Variants in TAPT1 observed in about 807,000 individuals in gnomAD.
The protein encoded by TAPT1 is transmembrane anterior posterior transformation protein 1 homolog.
Under a neutral mutation model 65.6 loss-of-function variants are expected in TAPT1, and 28 were observed. That is an observed-to-expected ratio of 0.43 (90% CI 0.32 to 0.59). The LOEUF (loss-of-function observed/expected upper bound fraction) is 0.59. TAPT1 is among the 20% of genes least tolerant of loss of function. TAPT1 has a pLI of 0.09. For missense variants in TAPT1, 563 were observed against 679.9 expected, an observed-to-expected ratio of 0.83 and a Z score of 1.91; for synonymous variants, 278 against 245.2, an observed-to-expected ratio of 1.13 and a Z score of -1.25.
At chr4:16,185,342 T>C (rs1322311192) in intron 7 of TAPT1, among the ~76,000 whole-genome samples, 1 of 152,040 alleles carries the variant, frequency 6.6e-6, no homozygotes, top group Non-Finnish European at 1.5e-5. Context: ...ATAATCCATA[T>C]AAATAAAAGT....
intron 12 of TAPT1, among the ~76,000 whole-genome samples, chr4:16,167,042 T>C (rs1292586373): frequency 1.4e-5 from 2 of 142,732 alleles, no homozygotes; most frequent in Non-Finnish European, 3.0e-5. Flanking sequence ...TCACCCAGGC[T>C]GGAGTGCAGT....
In TAPT1 at chr4:16,196,714, T is replaced by A. The variant is rs777826391; in HGVS notation, c.450-5191A>T. 2.3e-6 allele frequency: 3 copies of A among 1,287,288 alleles called. No homozygotes were observed. The Admixed American group carries it at 6.9e-5, about 30-fold the overall frequency. The allele number at this position is 1,287,288 out of a possible 1,614,324, so 79.7% of individuals were successfully genotyped here. On this transcript the variant is annotated intron_variant, in intron 3 of 13. Transcript: ENST00000405303. ...TCTATAAAGGAAGTGAAAGTGCTCC[T>A]CCCTTCGGTCTGATTTACGAGAGAG...
intron 2 of TAPT1, among the ~76,000 whole-genome samples, chr4:16,206,037 A>G (rs1466714511): frequency 1.3e-5 from 2 of 152,222 alleles, no homozygotes; most frequent in Non-Finnish European, 2.9e-5. Flanking sequence ...GTTAAGGGGA[A>G]CAGGATATCA....
chr4:16,193,290 A>G (rs561876815), intron 3 of TAPT1, among the ~76,000 whole-genome samples: 2 of 152,356 alleles, frequency 1.3e-5, no homozygotes, highest in East Asian at 3.9e-4. Flanking sequence ...CACATGACTT[A>G]AGATGGGTAT....
At chr4:16,194,614 CCTAT>C (rs1003549243) in intron 3 of TAPT1, among the ~76,000 whole-genome samples, 2 of 152,058 alleles carry the variant, frequency 1.3e-5, no homozygotes, top group African/African-American at 4.8e-5. Flanking sequence ...AAAAAACAAA[CCTAT>C]CTATCATTTG....
intron 9 of TAPT1, among the ~76,000 whole-genome samples, chr4:16,175,267 C>T (rs1041171391): frequency 2.6e-5 from 4 of 151,964 alleles, no homozygotes; most frequent in Admixed American, 6.6e-5. Context: ...AATAAATGAT[C>T]CTATGAAAAG....
Position 16,174,224 on chromosome 4 carries a change from G to C in TAPT1, c.1216C>G (p.Pro406Ala). The change falls in exon 11 of 14, where the codon CCT (proline) becomes GCT (alanine). Residue 406 changes from proline (P) to alanine (A), a missense_variant. Pro to Ala is a conservative substitution (Grantham distance 27). This residue lies in a region of TAPT1 where 104 missense variants were observed against 102.5 expected (regional missense o/e 1.01). Transcript: ENST00000405303. ...CTTACTAAAACAGCTAGTGGGAGAG[G>C]AATAAAGCCCATCCTCCGTGCTACA... Reference protein sequence around the residue: ...DSVARRMGFIPLPLAVLLIRV... With the variant: ...DSVARRMGFIALPLAVLLIRV... 1 of 1,607,592 alleles carries C rather than the reference G, an allele frequency of 6.2e-7. No individual in the cohort carries two copies. Among genetic ancestry groups the C allele is most frequent in the Non-Finnish European group, 8.5e-7 (1 of 1,176,940 alleles).
Position 16,188,214 on chromosome 4 carries a change from G to A in TAPT1, c.748+6C>T. On this transcript the variant is annotated splice_donor_region_variant and intron_variant, in intron 5 of 13. Coordinates refer to ENST00000405303, the MANE Select transcript of TAPT1 (RefSeq NM_153365.3). Reference sequence around the variant, plus strand: ...TCGGAAATTTCCAGTAGGTCTATAAGGATACAGACATAGAGAACAGCCATG... The same window carrying A: ...TCGGAAATTTCCAGTAGGTCTATAAAGATACAGACATAGAGAACAGCCATG... 6.3e-7 allele frequency: 1 copy of A among 1,596,472 alleles called. No homozygotes were observed. The highest frequency in any genetic ancestry group is 8.5e-7 in the Non-Finnish European group (1 of 1,174,592).
intron 13 of TAPT1, among the ~76,000 whole-genome samples, chr4:16,166,097 G>A (rs1437585020): frequency 6.6e-6 from 1 of 152,086 alleles, no homozygotes; most frequent in Admixed American, 6.5e-5. Flanking sequence ...GTCCTTTGAT[G>A]CGCCAAGCAT....
chr4:16,222,003 G>C (rs1441631403), intron 1 of TAPT1, among the ~76,000 whole-genome samples: 1 of 152,218 alleles, frequency 6.6e-6, no homozygotes. Flanking sequence ...GAGGAGTAAA[G>C]AGTAGAATAT....
intron 3 of TAPT1, among the ~76,000 whole-genome samples, chr4:16,192,006 T>C (rs998125335): frequency 6.6e-6 from 1 of 152,266 alleles, no homozygotes; most frequent in African/African-American, 2.4e-5. Context: ...AGTGTTCCAC[T>C]ATGTGGATGA....
intron 2 of TAPT1, among the ~76,000 whole-genome samples, chr4:16,202,965 ATTGT>A (rs997285478): frequency 1.3e-5 from 2 of 152,200 alleles, no homozygotes; most frequent in Non-Finnish European, 2.9e-5. Flanking sequence ...GAGTTACAAT[ATTGT>A]TTATGTTAAA....
At chr4:16,175,890 T>TG (rs1748292529) in intron 9 of TAPT1, among the ~76,000 whole-genome samples, 1 of 152,338 alleles carries the variant, frequency 6.6e-6, no homozygotes, top group Admixed American at 6.5e-5. Flanking sequence ...TTTGAGTTAG[T>TG]GACACTGTGA....
At chr4:16,208,562 C>T (rs544745424) in intron 2 of TAPT1, among the ~76,000 whole-genome samples, 1 of 152,148 alleles carries the variant, frequency 6.6e-6, no homozygotes, top group East Asian at 1.9e-4. Flanking sequence ...AGGTTGCAGC[C>T]GTCATCTTTC....
intron 4 of TAPT1, 41 bp downstream of exon 4, chr4:16,191,320 G>A (rs1403370932): frequency 6.4e-7 from 1 of 1,554,008 alleles, no homozygotes. Flanking sequence ...TTGAAGCTGA[G>A]TGCCCTGGCC....
At chr4:16,225,237 TCG>T (rs1251121973) in intron 1 of TAPT1, among the ~76,000 whole-genome samples, 9 of 152,230 alleles carry the variant, frequency 5.9e-5, no homozygotes, top group Admixed American at 2.6e-4. Flanking sequence ...TCAATTAGAA[TCG>T]CATCTGATCA....
rs553769608 is a variant in TAPT1, at chr4:16,200,379, GTGGCATAATCA to G, written c.449+2072_449+2082del. On this transcript the variant is annotated intron_variant, in intron 3 of 13. Transcript: ENST00000405303. The stretch of plus-strand genomic sequence containing the variant: ...CACTCATCACCCAGGCTGGAGTGCA[GTGGCATAATCA>G]TGGCTCACTGCAGCCTTGACTTCTC... Among the ~76,000 whole-genome samples the G allele has an allele frequency of 6.8e-4, 103 of 152,292 alleles. 3 individuals carry two copies. The South Asian group carries it at 0.02, about 30-fold the overall frequency.
intron 3 of TAPT1, among the ~76,000 whole-genome samples, chr4:16,199,070 G>A (rs1175372806): frequency 6.6e-6 from 1 of 151,990 alleles, no homozygotes; most frequent in Non-Finnish European, 1.5e-5. Flanking sequence ...GTGTAACCTG[G>A]CCTATCCTCA....
Position 16,186,919 on chromosome 4 carries a change from A to G in TAPT1, c.749-41T>C, listed in dbSNP as rs371724830. On this transcript the variant is annotated intron_variant, in intron 5 of 13. Coordinates refer to ENST00000405303, the MANE Select transcript of TAPT1 (RefSeq NM_153365.3). ...GGAAAAAACTTAAATTTGCTTTCAT[A>G]TTATTACTGATAATACTATAAAATT... The G allele has an allele frequency of 1.8e-5, 20 of 1,126,436 alleles. No homozygotes were observed. In the African/African-American group the frequency reaches 3.1e-4, roughly 17 times the overall value. 69.8% of individuals were successfully genotyped at this position (1,126,436 alleles called of 1,614,324 possible).
Sources: allele counts gnomAD v4.1 joint callset (sites outside exome capture counted in the v4.1 genomes callset), GRCh38; gene constraint gnomAD v4.1.1; regional missense constraint gnomAD v4.1.1; transcripts MANE v1.5; gene names NCBI Gene and HGNC (gene_info 2026-07-23, HGNC 2026-07-21).